Variants in SKAP1 observed in about 807,000 individuals in gnomAD.
SKAP1 encodes the protein src kinase associated phosphoprotein 1.
A neutral mutation model predicts 58.5 loss-of-function variants in SKAP1; 44 were observed. The ratio of observed to expected loss-of-function variants is 0.75; its 90% confidence interval spans 0.59 to 0.97. SKAP1 has a LOEUF of 0.97. Among genes scored for constraint, SKAP1 ranks in the 50% least tolerant of loss-of-function variants. SKAP1 has a pLI of 0.00. For missense variants in SKAP1, 390 were observed against 435.2 expected, an observed-to-expected ratio of 0.90 and a Z score of 0.92; for synonymous variants, 127 against 149.7, an observed-to-expected ratio of 0.85 and a Z score of 1.11.
At chr17:48,244,715 A>C (rs1598464100) in intron 4 of SKAP1, among the ~76,000 whole-genome samples, 1 of 152,256 alleles carries the variant, frequency 6.6e-6, no homozygotes, top group Non-Finnish European at 1.5e-5. Context: ...GGCCAGACTA[A>C]GAAATGACCA....
intron 3 of SKAP1, among the ~76,000 whole-genome samples, chr17:48,362,066 T>G (rs1464467014): frequency 1.3e-5 from 2 of 152,214 alleles, no homozygotes; most frequent in African/African-American, 4.8e-5. Flanking sequence ...TACTTCCAAA[T>G]GCACTAAGAC....
At chr17:48,438,949 G>T in the SKAP1 span, among the ~76,000 whole-genome samples, 1 of 152,160 alleles carries the variant, frequency 6.6e-6, no homozygotes, top group Non-Finnish European at 1.5e-5. Flanking sequence ...ATGAGAAGTT[G>T]AATGAAAAGA....
intron 1 of SKAP1, among the ~76,000 whole-genome samples, chr17:48,415,200 G>GTATT (rs1397669901): frequency 3.3e-5 from 5 of 152,090 alleles, no homozygotes; most frequent in African/African-American, 1.2e-4. Context: ...TTTCGTAAAA[G>GTATT]TATTTGAACT....
chr17:48,334,933 T>A (rs577965405), intron 4 of SKAP1, among the ~76,000 whole-genome samples: 29 of 151,936 alleles, frequency 1.9e-4, no homozygotes, highest in African/African-American at 7.0e-4. Context: ...TTTAAAAAAA[T>A]AATCATAATC....
chr17:48,378,784 G>A (rs2067180622), intron 2 of SKAP1, among the ~76,000 whole-genome samples: 1 of 152,116 alleles, frequency 6.6e-6, no homozygotes, highest in African/African-American at 2.4e-5. Flanking sequence ...GAGCCCTCAA[G>A]GGGCAGTGGC....
chr17:48,393,774 G>C (rs1194671106), intron 2 of SKAP1, among the ~76,000 whole-genome samples: 3 of 151,992 alleles, frequency 2.0e-5, no homozygotes, highest in Admixed American at 6.6e-5. Context: ...ATATATATAT[G>C]TGTGTGTAAA....
intron 4 of SKAP1, among the ~76,000 whole-genome samples, chr17:48,275,889 G>C (rs1207826686): frequency 1.3e-5 from 2 of 152,192 alleles, no homozygotes; most frequent in Non-Finnish European, 2.9e-5. Flanking sequence ...AGTAACACAA[G>C]AGGTGGGTGA....
chr17:48,247,494 C>T (rs557492923), intron 4 of SKAP1, among the ~76,000 whole-genome samples: 4 of 152,284 alleles, frequency 2.6e-5, no homozygotes, highest in Non-Finnish European at 5.9e-5. Flanking sequence ...TTCTTTTCCT[C>T]TATCATTCAT....
chr17:48,412,920 T>C (rs1450790078), intron 1 of SKAP1, among the ~76,000 whole-genome samples: 1 of 152,128 alleles, frequency 6.6e-6, no homozygotes, highest in East Asian at 1.9e-4. Flanking sequence ...TTAATTTAAG[T>C]ACTTGTTTCT....
At position 48,396,765 on chromosome 17, in the gene SKAP1, C is replaced by T. The variant is rs1236319510; in HGVS notation, c.67G>A (p.Glu23Lys). The change falls in exon 2 of 13, where the codon GAA becomes AAA. Residue 23 changes from glutamate (E) to lysine (K), a missense_variant. Physicochemically the swap from Glu to Lys is moderately conservative, Grantham distance 56. Transcript: ENST00000336915. ...LLEDAEEFLAEGLRNENLSAV... is the reference protein window; with the variant it reads ...LLEDAEEFLAKGLRNENLSAV... ...CTGAGGTTCTCATTCCGCAAACCTT[C>T]TGCCAGAAACTCTTCAGCATCTAAA... The T allele has an allele frequency of 1.9e-6, 3 of 1,613,096 alleles. No homozygotes were observed. The highest frequency in any genetic ancestry group is 2.5e-6 in the Non-Finnish European group (3 of 1,179,320).
chr17:48,366,396 G>C (rs1181976210), intron 2 of SKAP1, among the ~76,000 whole-genome samples: 1 of 151,934 alleles, frequency 6.6e-6, no homozygotes, highest in African/African-American at 2.4e-5. Context: ...ACTTGGGTTA[G>C]AGGGTGAGGA....
At chr17:48,301,581 A>G (rs1356163495) in intron 4 of SKAP1, among the ~76,000 whole-genome samples, 3 of 151,924 alleles carry the variant, frequency 2.0e-5, no homozygotes, top group Non-Finnish European at 4.4e-5. Flanking sequence ...GAACCCAGCA[A>G]TTCTTCTACT....
chr17:48,313,350 G>A (rs1225908809), intron 4 of SKAP1, among the ~76,000 whole-genome samples: 2 of 152,076 alleles, frequency 1.3e-5, no homozygotes, highest in Admixed American at 1.3e-4. Context: ...TTCTTTGCAA[G>A]GTGAAGGCTA....
the SKAP1 span, among the ~76,000 whole-genome samples, chr17:48,439,604 C>G: frequency 6.6e-6 from 1 of 152,166 alleles, no homozygotes; most frequent in African/African-American, 2.4e-5. Context: ...CCCATGATAG[C>G]TTTTTCCAGG....
chr17:48,414,209 G>C (rs2067704358), intron 1 of SKAP1, among the ~76,000 whole-genome samples: 1 of 152,146 alleles, frequency 6.6e-6, no homozygotes, highest in Admixed American at 6.5e-5. Flanking sequence ...GCCCATAGTA[G>C]AGGCACCTAG....
chr17:48,357,247 C>G (rs949808360), intron 3 of SKAP1, among the ~76,000 whole-genome samples: 2 of 151,918 alleles, frequency 1.3e-5, no homozygotes, highest in Non-Finnish European at 2.9e-5. Context: ...ATATCATCTA[C>G]TACAGAATAG....
intron 4 of SKAP1, among the ~76,000 whole-genome samples, chr17:48,247,753 C>T (rs1013305402): frequency 1.0e-3 from 158 of 152,184 alleles, no homozygotes; most frequent in African/African-American, 3.6e-3. Context: ...GATGCATACT[C>T]GATGCATAAC....
intron 4 of SKAP1, among the ~76,000 whole-genome samples, chr17:48,197,604 G>T (rs2064655856): frequency 6.6e-6 from 1 of 152,174 alleles, no homozygotes; most frequent in Admixed American, 6.5e-5. Flanking sequence ...CAGGAGGATT[G>T]CTTGAGCCTG....
intron 4 of SKAP1, among the ~76,000 whole-genome samples, chr17:48,338,662 C>A (rs184488621): frequency 6.6e-6 from 1 of 152,212 alleles, no homozygotes; most frequent in Non-Finnish European, 1.5e-5. Context: ...TTACTGGGTA[C>A]TGGATGAAAA....
Sources: allele counts gnomAD v4.1 joint callset (sites outside exome capture counted in the v4.1 genomes callset), GRCh38; gene constraint gnomAD v4.1.1; transcripts MANE v1.5; gene names NCBI Gene and HGNC (gene_info 2026-07-23, HGNC 2026-07-21).